DIXDC1: variants seen among roughly 807,000 people sequenced by gnomAD.
DIXDC1 encodes DIX domain containing 1.
DIXDC1 carries 64 observed loss-of-function variants against 103.1 expected under a neutral mutation model. That is an observed-to-expected ratio of 0.62 (90% CI 0.51 to 0.76). The LOEUF is 0.76. DIXDC1 is among the 30% of genes least tolerant of loss of function. The pLI, the probability that DIXDC1 is intolerant of heterozygous loss-of-function variation, is 0.00. For synonymous variants in DIXDC1, 266 were observed against 298.5 expected, an observed-to-expected ratio of 0.89 and a Z score of 1.12; for missense variants, 759 against 834.2, an observed-to-expected ratio of 0.91 and a Z score of 1.11.
intron 1 of DIXDC1, among the ~76,000 whole-genome samples, chr11:111,947,138 G>C (rs782456917): frequency 6.6e-6 from 1 of 152,074 alleles, no homozygotes; most frequent in African/African-American, 2.4e-5. Context: ...GAGTAGGGGT[G>C]GGGGCTTGAG....
chr11:112,013,335 G>A (rs1387386030), intron 17 of DIXDC1, among the ~76,000 whole-genome samples: 1 of 135,086 alleles, frequency 7.4e-6, no homozygotes, highest in Non-Finnish European at 1.6e-5. Context: ...GGTGGGGTGG[G>A]GGGGGGGAAC....
At chr11:111,968,764 A>AT in intron 3 of DIXDC1, 126 bp downstream of exon 3, 1 of 1,147,568 alleles carries the variant, frequency 8.7e-7, no homozygotes, top group Non-Finnish European at 1.1e-6. Flanking sequence ...TTTATTTTTT[A>AT]TTTTTTATTT....
chr11:111,956,379 C>T (rs1555170564), intron 1 of DIXDC1, among the ~76,000 whole-genome samples: 1 of 151,848 alleles, frequency 6.6e-6, no homozygotes, highest in Non-Finnish European at 1.5e-5. Flanking sequence ...TCTTTAATCA[C>T]AATTTTAAAA....
upstream of DIXDC1, among the ~76,000 whole-genome samples, chr11:111,936,961 G>A (rs1378347152): frequency 2.0e-5 from 3 of 150,838 alleles, no homozygotes; most frequent in African/African-American, 7.3e-5. Flanking sequence ...GCATGCATAC[G>A]CCAGCCGGGC....
intron 15 of DIXDC1, 89 bp downstream of exon 15, chr11:111,995,197 A>G: frequency 1.4e-6 from 2 of 1,405,796 alleles, no homozygotes; most frequent in Non-Finnish European, 2.0e-6. Flanking sequence ...GAGGCCTTTT[A>G]TATTCCAGTT....
intron 3 of DIXDC1, among the ~76,000 whole-genome samples, chr11:111,971,738 AT>A (rs587620309): frequency 7.9e-4 from 119 of 151,572 alleles, no homozygotes; most frequent in Non-Finnish European, 1.5e-3. Flanking sequence ...ATCTATATCT[AT>A]ATCTATATCT....
intron 17 of DIXDC1, among the ~76,000 whole-genome samples, chr11:112,006,796 TC>T: frequency 1.3e-5 from 2 of 152,074 alleles, no homozygotes; most frequent in Middle Eastern, 6.8e-3. Context: ...CAAAACCTCA[TC>T]TCTAGGTCAC....
chr11:111,959,331 T>TG (rs1859495749), intron 1 of DIXDC1, among the ~76,000 whole-genome samples: 1 of 152,334 alleles, frequency 6.6e-6, no homozygotes, highest in African/African-American at 2.4e-5. Context: ...CTGTGGTTCT[T>TG]GGAGTCTCCA....
intron 14 of DIXDC1, among the ~76,000 whole-genome samples, chr11:111,994,662 A>G (rs587737964): frequency 1.3e-5 from 2 of 151,778 alleles, no homozygotes; most frequent in Admixed American, 6.6e-5. Flanking sequence ...GTGTGTATAT[A>G]TATATATTCA....
chr11:112,019,739 T>C lies in DIXDC1; in HGVS notation c.*703T>C, dbSNP rs587679527. ...TTGCCCACATAGGGCCTATTTCATGTACTGTTAGTTTTCTCTGGGGACTCT... is the reference window on the plus strand; with the variant it reads ...TTGCCCACATAGGGCCTATTTCATGCACTGTTAGTTTTCTCTGGGGACTCT... On this transcript the variant is annotated 3_prime_UTR_variant, in exon 20 of 20. Coordinates refer to ENST00000440460, the MANE Select transcript of DIXDC1 (RefSeq NM_001037954.4). The C allele has an allele frequency of 6.5e-6, 1 of 152,714 alleles. No homozygotes were observed. Among genetic ancestry groups the C allele is most frequent in the Admixed American group, 6.5e-5 (1 of 15,308 alleles). The allele number at this position is 152,714 out of a possible 1,614,324, so 9.5% of individuals were successfully genotyped here.
intron 5 of DIXDC1, 162 bp downstream of exon 5, chr11:111,975,145 A>G (rs1860056703): frequency 7.0e-7 from 1 of 1,434,216 alleles, no homozygotes; most frequent in Non-Finnish European, 9.1e-7. Flanking sequence ...GGTTTGTGCT[A>G]GTAGGAGGGT....
intron 1 of DIXDC1, among the ~76,000 whole-genome samples, chr11:111,955,323 C>CA (rs1555170460): frequency 9.3e-6 from 1 of 107,456 alleles, no homozygotes; most frequent in African/African-American, 3.8e-5. Context: ...GCCTGGGCAA[C>CA]AGAGTGAGAC....
upstream of DIXDC1, chr11:111,937,101 C>A: frequency 2.1e-6 from 1 of 478,386 alleles, no homozygotes; most frequent in Non-Finnish European, 2.7e-6. Context: ...GTGTGTAGCG[C>A]ACGCACACAC....
At chr11:111,937,308 A>C, upstream of DIXDC1, 2 of 1,334,110 alleles carry the variant, frequency 1.5e-6, no homozygotes, top group Middle Eastern at 2.9e-4. Context: ...CCTCCAGCGG[A>C]GGCCCCCGTG....
At position 111,939,257 on chromosome 11, in the gene DIXDC1, G is replaced by A. The variant is rs79405694; in HGVS notation, c.60+1698G>A. ...CACTTCGAAACCTTTCGACTGAAGA[G>A]CCACCTAAACTAAGAGGCTTGGCCG... On this transcript the variant is annotated intron_variant, in intron 1 of 19. Transcript: ENST00000440460. Among the ~76,000 whole-genome samples, 526 of 152,308 alleles carry A rather than the reference G, an allele frequency of 3.5e-3. 1 individual carries two copies. The highest frequency in any genetic ancestry group is 5.9e-3 in the Non-Finnish European group (399 of 68,030).
intron 17 of DIXDC1, among the ~76,000 whole-genome samples, chr11:112,011,196 T>G (rs1861409412): frequency 6.6e-6 from 1 of 152,058 alleles, no homozygotes; most frequent in South Asian, 2.1e-4. Context: ...AACAGACACA[T>G]GAAAAAATGC....
At chr11:112,005,135 A>T (rs907977109) in intron 17 of DIXDC1, among the ~76,000 whole-genome samples, 1 of 152,228 alleles carries the variant, frequency 6.6e-6, no homozygotes, top group African/African-American at 2.4e-5. Flanking sequence ...TAACATGCAC[A>T]TACAGGTGAG....
At chr11:112,009,098 GAC>G (rs1566575642) in intron 17 of DIXDC1, among the ~76,000 whole-genome samples, 1 of 151,886 alleles carries the variant, frequency 6.6e-6, no homozygotes, top group African/African-American at 2.4e-5. Flanking sequence ...GCATCAAATT[GAC>G]ACAATAAAAA....
At chr11:111,969,681 G>C (rs1859849130) in intron 3 of DIXDC1, among the ~76,000 whole-genome samples, 1 of 152,126 alleles carries the variant, frequency 6.6e-6, no homozygotes, top group Non-Finnish European at 1.5e-5. Context: ...TCAGTTCCTG[G>C]GTCTGATTGC....
Sources: gnomAD v4.1 joint callset for allele counts (sites outside exome capture counted in the v4.1 genomes callset) on GRCh38, gnomAD v4.1.1 for gene constraint, MANE v1.5 for transcripts, NCBI Gene and HGNC (gene_info 2026-07-23, HGNC 2026-07-21) for gene names.